Variants in ANKIB1 observed in about 807,000 individuals in gnomAD.
The protein encoded by ANKIB1 is ankyrin repeat and IBR domain-containing protein 1.
ANKIB1 carries 43 observed loss-of-function variants against 122.1 expected under a neutral mutation model. That is an observed-to-expected ratio of 0.35 (90% CI 0.28 to 0.45). The LOEUF is 0.45. ANKIB1 is among the 20% of genes least tolerant of loss of function. ANKIB1 has a pLI of 1.00. For missense variants in ANKIB1, 992 were observed against 1,329.5 expected, an observed-to-expected ratio of 0.75 and a Z score of 3.95; for synonymous variants, 390 against 442.0, an observed-to-expected ratio of 0.88 and a Z score of 1.48.
intron 10 of ANKIB1, among the ~76,000 whole-genome samples, chr7:92,368,715 C>T (rs193194315): frequency 1.1e-4 from 16 of 148,374 alleles, no homozygotes; most frequent in African/African-American, 2.2e-4. Context: ...TGCGAGACTC[C>T]GTCTCAAAAA....
In ANKIB1 at chr7:92,396,394, G is replaced by T; in HGVS notation, c.2313G>T (p.Arg771Ser). 1 of 1,594,364 alleles carries T rather than the reference G, an allele frequency of 6.3e-7. No individual in the cohort carries two copies. Residue 771 changes from arginine to serine, a missense_variant, in exon 18 of 20, where the codon AGG (arginine) becomes AGT (serine). This residue lies in a region of ANKIB1 where 384 missense variants were observed against 412.0 expected (regional missense o/e 0.93). Transcript: ENST00000265742. Reference sequence around the variant, plus strand: ...ATGCTGAATTTCAGTATCGGAGGAGGCACAGACAACGTCGTCGAGGAGATG... The same window carrying T: ...ATGCTGAATTTCAGTATCGGAGGAGTCACAGACAACGTCGTCGAGGAGATG... Reference protein sequence around the residue: ...EEYAEFQYRRRHRQRRRGDVH... With the variant: ...EEYAEFQYRRSHRQRRRGDVH...
chr7:92,292,493 G>T (rs937156885), intron 1 of ANKIB1, among the ~76,000 whole-genome samples: 9 of 151,870 alleles, frequency 5.9e-5, no homozygotes, highest in Non-Finnish European at 1.2e-4. Context: ...TTTCACTAAA[G>T]TAGTAATATA....
At chr7:92,278,871 G>T (rs891530889) in intron 1 of ANKIB1, among the ~76,000 whole-genome samples, 44 of 152,200 alleles carry the variant, frequency 2.9e-4, no homozygotes, top group African/African-American at 9.9e-4. Flanking sequence ...GGTAAGGGAA[G>T]TAGACTCAGG....
At chr7:92,324,431 A>C (rs1802979730) in intron 4 of ANKIB1, among the ~76,000 whole-genome samples, 1 of 152,080 alleles carries the variant, frequency 6.6e-6, no homozygotes, top group South Asian at 2.1e-4. Context: ...ACAGGGTTTC[A>C]CCGTGTTGAC....
At chr7:92,385,116 C>T (rs953114585) in intron 11 of ANKIB1, among the ~76,000 whole-genome samples, 1 of 152,026 alleles carries the variant, frequency 6.6e-6, no homozygotes, top group Non-Finnish European at 1.5e-5. Flanking sequence ...ATGCAGCCAA[C>T]AGGCATGAAA....
At chr7:92,384,096 C>A (rs938841601) in intron 11 of ANKIB1, among the ~76,000 whole-genome samples, 2 of 152,134 alleles carry the variant, frequency 1.3e-5, no homozygotes, top group Non-Finnish European at 2.9e-5. Context: ...ACACCAATAA[C>A]AGACAAACAG....
intron 3 of ANKIB1, among the ~76,000 whole-genome samples, chr7:92,318,242 G>A (rs1335085594): frequency 3.9e-5 from 6 of 152,228 alleles, no homozygotes; most frequent in Non-Finnish European, 7.4e-5. Context: ...GTGGCTGGGC[G>A]CGGTGGCTCA....
chr7:92,294,954 CCTATCAGAAAAAACA>C lies in ANKIB1; in HGVS notation c.-24_-10del. Reference sequence around the variant, plus strand: ...AGATAGAAGGAAAAAAGTGCCACTGCCTATCAGAAAAAACAAAACAAAACATGGGAAATACAACCA... The same window carrying C: ...AGATAGAAGGAAAAAAGTGCCACTGCAAACAAAACATGGGAAATACAACCA... On this transcript the variant is annotated 5_prime_UTR_variant, in exon 2 of 20. Transcript: ENST00000265742. 1 of 1,552,530 alleles carries C rather than the reference CCTATCAGAAAAAACA, an allele frequency of 6.4e-7. No individual in the cohort carries two copies. The highest frequency in any genetic ancestry group is 8.7e-7 in the Non-Finnish European group (1 of 1,146,126).
chr7:92,314,087 C>G (rs1383549367), intron 3 of ANKIB1, among the ~76,000 whole-genome samples: 1 of 151,940 alleles, frequency 6.6e-6, no homozygotes. Flanking sequence ...ATCTTGAGCC[C>G]AAAAGTTCAA....
chr7:92,351,876 A>G (rs1585121280), intron 8 of ANKIB1, among the ~76,000 whole-genome samples: 1 of 149,820 alleles, frequency 6.7e-6, no homozygotes, highest in Admixed American at 6.7e-5. Context: ...GCCCACTACC[A>G]CTCCCGGCTA....
chr7:92,299,350 G>T lies in ANKIB1; in HGVS notation c.188+4184G>T, dbSNP rs1225276260. Among the ~76,000 whole-genome samples the T allele has an allele frequency of 1.1e-4, 16 of 152,148 alleles. 1 individual carries two copies. The highest frequency in any genetic ancestry group is 1.0e-3 in the Admixed American group (16 of 15,282). On this transcript the variant is annotated intron_variant, in intron 2 of 19. Coordinates refer to ENST00000265742, the MANE Select transcript of ANKIB1 (RefSeq NM_019004.2). ...TATGATTTTTAAAAATTATGTATGG[G>T]TGAAAGATATATTCAAAATGTAAGA...
rs146199014 is a variant in ANKIB1, at chr7:92,398,910, A to G, written c.3231A>G (p.Gln1077=). 4.3e-4 allele frequency: 694 copies of G among 1,599,130 alleles called. 1 individual carries two copies. The African/African-American group carries it at 8.5e-3, about 20-fold the overall frequency. Residue 1077 remains glutamine, a synonymous_variant, in exon 20 of 20, where the codon CAA becomes CAG. Transcript: ENST00000265742. ...DGSDVSSQTP[Q]TSSDWLEQVH... is the part of the protein sequence containing the mutation. ...CAGATGTTTCAAGTCAAACACCTCA[A>G]ACCTCAAGTGACTGGCTTGAACAAG...
At chr7:92,272,440 T>C (rs1445897573) in intron 1 of ANKIB1, among the ~76,000 whole-genome samples, 3 of 152,190 alleles carry the variant, frequency 2.0e-5, no homozygotes, top group African/African-American at 7.2e-5. Context: ...AAAAATTACC[T>C]TTAATTGTTT....
chr7:92,315,552 A>T (rs1370454145), intron 3 of ANKIB1, among the ~76,000 whole-genome samples: 1 of 152,190 alleles, frequency 6.6e-6, no homozygotes, highest in Non-Finnish European at 1.5e-5. Context: ...AACAAGAAGT[A>T]GTGCCTATGA....
chr7:92,329,918 A>G (rs542453212), intron 5 of ANKIB1, among the ~76,000 whole-genome samples: 2 of 152,258 alleles, frequency 1.3e-5, no homozygotes, highest in East Asian at 3.9e-4. Context: ...AATTTCTCAT[A>G]CTGCCACTAT....
At chr7:92,383,277 A>G (rs1483291668) in intron 11 of ANKIB1, among the ~76,000 whole-genome samples, 1 of 152,212 alleles carries the variant, frequency 6.6e-6, no homozygotes, top group Non-Finnish European at 1.5e-5. Context: ...AGAGTCCAGG[A>G]CCAGATGGAT....
chr7:92,249,678 C>T (rs1057024346), intron 1 of ANKIB1, among the ~76,000 whole-genome samples: 2 of 151,848 alleles, frequency 1.3e-5, no homozygotes, highest in African/African-American at 4.8e-5. Context: ...TGAGATCGCA[C>T]CATTGCACTC....
chr7:92,397,975 T>C (rs1242771138), intron 19 of ANKIB1, 116 bp downstream of exon 19: 1 of 1,391,386 alleles, frequency 7.2e-7, no homozygotes, highest in African/African-American at 1.5e-5. Flanking sequence ...AAAATCTTTG[T>C]TTTAAAGATG....
intron 11 of ANKIB1, among the ~76,000 whole-genome samples, chr7:92,379,696 C>T (rs1804467663): frequency 6.6e-6 from 1 of 152,156 alleles, no homozygotes; most frequent in Non-Finnish European, 1.5e-5. Flanking sequence ...TGAATTCATA[C>T]TGTATCCTAT....
Sources: gnomAD v4.1 joint callset for allele counts (sites outside exome capture counted in the v4.1 genomes callset) on GRCh38, gnomAD v4.1.1 for gene constraint, gnomAD v4.1.1 regional missense constraint, MANE v1.5 for transcripts, NCBI Gene and HGNC (gene_info 2026-07-23, HGNC 2026-07-21) for gene names.